The following EIF2AK2 variants were observed in gnomAD, a reference collection of about 807,000 sequenced individuals.
The protein encoded by EIF2AK2 is interferon-induced, double-stranded RNA-activated protein kinase.
In EIF2AK2, 40 loss-of-function variants were observed where a neutral mutation model predicts 70.5. The observed-to-expected ratio is 0.57, with a 90% CI of 0.44 to 0.74. The LOEUF is 0.74. Among genes scored for constraint, EIF2AK2 ranks in the 30% least tolerant of loss-of-function variants. The pLI, the probability that EIF2AK2 is intolerant of heterozygous loss-of-function variation, is 0.00. For missense variants in EIF2AK2, 555 were observed against 644.3 expected (o/e 0.86, Z 1.50); for synonymous variants, 198 against 220.9 (o/e 0.90, Z 0.92).
At chr2:37,143,218 G>A (rs1466897812) in intron 4 of EIF2AK2, among the ~76,000 whole-genome samples, 1 of 64,718 alleles carries the variant, frequency 1.5e-5, no homozygotes, top group African/African-American at 4.2e-5. Context: ...GCGAGACTCT[G>A]TCTCAAAAAA....
At chr2:37,134,884 T>A (rs527334167) in intron 10 of EIF2AK2, among the ~76,000 whole-genome samples, 1 of 152,196 alleles carries the variant, frequency 6.6e-6, no homozygotes. Flanking sequence ...GCCCATTCCA[T>A]CCATCCAATA....
In EIF2AK2 at chr2:37,119,937, ATAAAG is replaced by A. The variant is rs1273418797; in HGVS notation, c.1248+17_1248+21del. The A allele has an allele frequency of 1.6e-6, 2 of 1,269,480 alleles. No homozygotes were observed. Among genetic ancestry groups the A allele is most frequent in the African/African-American group, 3.1e-5 (2 of 64,196 alleles). The allele number at this position is 1,269,480 out of a possible 1,614,324, so 78.6% of individuals were successfully genotyped here. On this transcript the variant is annotated intron_variant, in intron 13 of 16. Coordinates refer to ENST00000233057, the MANE Select transcript of EIF2AK2 (RefSeq NM_001135651.3). ...TACTATATTATATATATATCAATTA[ATAAAG>A]TACATTTTCCACTTACCTTAAGATC...
In EIF2AK2 at chr2:37,107,284, G is replaced by A. The variant is rs1260783592; in HGVS notation, c.1645C>T (p.His549Tyr). 1 of 1,613,106 alleles carries A rather than the reference G, an allele frequency of 6.2e-7. No homozygotes were observed. The highest frequency in any genetic ancestry group is 8.5e-7 in the Non-Finnish European group (1 of 1,179,782). ...TTTTCAGAAGGGCTCTAACATGTGT[G>A]TCGTTCATTTTTCTCTGGGCTTTTC... ...WKKSPEKNER[H>Y]TC The change falls in exon 17 of 17, where the codon CAC becomes TAC. Residue 549 changes from histidine to tyrosine, a missense_variant. By Grantham distance (83) the His-to-Tyr change is moderately conservative (BLOSUM62 2). Around this residue, in one of 3 missense-constraint regions of EIF2AK2, gnomAD observed 299 missense variants for 375.4 expected, o/e 0.80. Transcript: ENST00000233057.
Position 37,147,567 on chromosome 2 carries a change from G to GTT in EIF2AK2, c.119+119_119+120dup, listed in dbSNP as rs4648162. 1.5e-5 allele frequency: 8 copies of GTT among 539,322 alleles called. No individual in the cohort carries two copies. In the East Asian group the frequency reaches 2.4e-4, roughly 16 times the overall value. 33.4% of individuals were successfully genotyped at this position (539,322 alleles called of 1,614,324 possible). A position where few individuals can be genotyped will look rare whatever the true frequency, so the allele number is the denominator to read the frequency against. On this transcript the variant is annotated intron_variant, in intron 3 of 16. Coordinates refer to ENST00000233057, the MANE Select transcript of EIF2AK2 (RefSeq NM_001135651.3). The stretch of plus-strand genomic sequence containing the variant: ...TATGAGTGAGAACATGCGGTGTTTG[G>GTT]TTTTTTTGTCCTTGCGATAGTTTGC...
At chr2:37,144,915 C>T (rs182746144) in intron 4 of EIF2AK2, among the ~76,000 whole-genome samples, 1 of 151,898 alleles carries the variant, frequency 6.6e-6, no homozygotes, top group Non-Finnish European at 1.5e-5. Context: ...GAGACAGGGT[C>T]TCACTCTGTC....
chr2:37,107,445 TA>T (rs1405974014), intron 16 of EIF2AK2, 28 bp downstream of exon 16: 4 of 1,611,392 alleles, frequency 2.5e-6, no homozygotes, highest in Non-Finnish European at 3.4e-6. Context: ...TTGAAATAAA[TA>T]AAATTCTGAT....
intron 10 of EIF2AK2, among the ~76,000 whole-genome samples, chr2:37,128,574 G>A (rs1382327621): frequency 6.6e-6 from 1 of 152,154 alleles, no homozygotes; most frequent in African/African-American, 2.4e-5. Flanking sequence ...CTGTTCGGGT[G>A]GAAGTATAAT....
chr2:37,116,817 A>G (rs1674357580), intron 13 of EIF2AK2, among the ~76,000 whole-genome samples: 1 of 152,222 alleles, frequency 6.6e-6, no homozygotes, highest in Non-Finnish European at 1.5e-5. Flanking sequence ...CTATCACCTG[A>G]CTCTAAGAAA....
intron 4 of EIF2AK2, among the ~76,000 whole-genome samples, chr2:37,145,066 G>C (rs1403276358): frequency 6.6e-6 from 1 of 150,592 alleles, no homozygotes; most frequent in African/African-American, 2.4e-5. Context: ...ATAGAAAAAA[G>C]CTTATAGAAT....
At chr2:37,146,425 G>T (rs933586210) in intron 4 of EIF2AK2, among the ~76,000 whole-genome samples, 1 of 152,168 alleles carries the variant, frequency 6.6e-6, no homozygotes, top group Admixed American at 6.5e-5. Context: ...GGCATCCACA[G>T]GGAGTCCTGG....
In EIF2AK2 at chr2:37,122,646, T is replaced by C. The variant is rs779562265; in HGVS notation, c.927A>G (p.Val309=). 2 of 1,614,068 alleles carry C rather than the reference T, an allele frequency of 1.2e-6. No homozygotes were observed. The highest frequency in any genetic ancestry group is 8.5e-7 in the Non-Finnish European group (1 of 1,180,044). The change falls in exon 12 of 17, where the codon GTA becomes GTG. Residue 309 remains valine, a synonymous_variant. Coordinates refer to ENST00000233057, the MANE Select transcript of EIF2AK2 (RefSeq NM_001135651.3). The part of the protein sequence containing the change: ...KYNNEKAERE[V]KALAKLDHVN... The stretch of plus-strand genomic sequence containing the variant: ...CATGATCAAGTTTTGCCAATGCTTT[T>C]ACTTCACGCTCCGCCTTCCTAGTTA...
intron 10 of EIF2AK2, among the ~76,000 whole-genome samples, chr2:37,130,030 C>T (rs1232569288): frequency 6.6e-6 from 1 of 152,210 alleles, no homozygotes; most frequent in Non-Finnish European, 1.5e-5. Context: ...AAATAGTGGT[C>T]CCACAATATC....
rs4648201 is a variant in EIF2AK2, at chr2:37,136,185, C to T, written c.723-639G>A. Among the ~76,000 whole-genome samples, 377 of 152,290 alleles carry T rather than the reference C, an allele frequency of 2.5e-3. 3 individuals carry two copies. The highest frequency in any genetic ancestry group is 8.5e-3 in the African/African-American group (355 of 41,568). On this transcript the variant is annotated intron_variant, in intron 9 of 16. Coordinates refer to ENST00000233057, the MANE Select transcript of EIF2AK2 (RefSeq NM_001135651.3). ...AATACCACCTAAAACTAAACATATC[C>T]AAACTGCTGTCTTCTCTCTAAGCCC...
chr2:37,133,720 G>A (rs1440120335), intron 10 of EIF2AK2, among the ~76,000 whole-genome samples: 1 of 152,160 alleles, frequency 6.6e-6, no homozygotes, highest in Non-Finnish European at 1.5e-5. Context: ...ATTCACCTAA[G>A]CAGCTATGTC....
chr2:37,122,893 C>T (rs752656421), intron 11 of EIF2AK2, among the ~76,000 whole-genome samples: 1 of 152,094 alleles, frequency 6.6e-6, no homozygotes, highest in Non-Finnish European at 1.5e-5. Flanking sequence ...AGTGGCCGGG[C>T]GCGGTGGCTC....
chr2:37,114,093 G>A (rs1573001065), intron 14 of EIF2AK2, among the ~76,000 whole-genome samples: 1 of 152,100 alleles, frequency 6.6e-6, no homozygotes, highest in South Asian at 2.1e-4. Context: ...GAAACATAGT[G>A]AGACCTTGTC....
intron 10 of EIF2AK2, 131 bp from the exon 11 acceptor site, chr2:37,126,542 TAAGA>T (rs2148684476): frequency 7.4e-7 from 1 of 1,343,170 alleles, no homozygotes; most frequent in South Asian, 1.6e-5. Context: ...TCCTTCTGAA[TAAGA>T]AAGATCCACT....
chr2:37,137,501 G>T (rs1004040935), intron 8 of EIF2AK2, among the ~76,000 whole-genome samples: 11 of 152,142 alleles, frequency 7.2e-5, no homozygotes, highest in African/African-American at 2.7e-4. Context: ...TGCGATGAGG[G>T]TCTCACTATG....
Position 37,141,555 on chromosome 2 carries a change from T to G in EIF2AK2, c.387A>C (p.Glu129Asp), listed in dbSNP as rs539146274. Residue 129 changes from glutamate to aspartate, a missense_variant and splice_region_variant, in exon 5 of 17, where the codon GAA (glutamate) becomes GAC (aspartate). By Grantham distance (45) the Glu-to-Asp change is conservative. Transcript: ENST00000233057. ...AGAAAAGCCAAATTATGTCTTACCCTTCTGGCCCATGCACCCCCGATGCAC... is the reference window on the plus strand; with the variant it reads ...AGAAAAGCCAAATTATGTCTTACCCGTCTGGCCCATGCACCCCCGATGCAC... ...EQCASGVHGP[E>D]GFHYKCKMGQ... The G allele has an allele frequency of 6.2e-7, 1 of 1,612,074 alleles. No individual in the cohort carries two copies. Among genetic ancestry groups the G allele is most frequent in the Non-Finnish European group, 8.5e-7 (1 of 1,179,610 alleles).
Sources: gnomAD v4.1 joint callset for allele counts (sites outside exome capture counted in the v4.1 genomes callset) on GRCh38, gnomAD v4.1.1 for gene constraint, gnomAD v4.1.1 regional missense constraint, MANE v1.5 for transcripts, NCBI Gene and HGNC (gene_info 2026-07-23, HGNC 2026-07-21) for gene names.